CACNA2D1: variants seen among roughly 807,000 people sequenced by gnomAD.
The protein encoded by CACNA2D1 is calcium voltage-gated channel auxiliary subunit alpha2delta 1.
In CACNA2D1, 53 loss-of-function variants were observed where a neutral mutation model predicts 171.5. The observed-to-expected ratio is 0.31, with a 90% confidence interval of 0.25 to 0.39. The LOEUF is 0.39. CACNA2D1 is among the 10% of genes least tolerant of loss of function. CACNA2D1 has a pLI of 1.00. For synonymous variants in CACNA2D1, 442 were observed against 443.1 expected (o/e 1.00, Z 0.03); for missense variants, 903 against 1,299.8 (o/e 0.69, Z 4.69).
At chr7:82,151,041 G>A (rs1031847949) in intron 4 of CACNA2D1, among the ~76,000 whole-genome samples, 3 of 152,038 alleles carry the variant, frequency 2.0e-5, no homozygotes, top group African/African-American at 7.2e-5. Context: ...CCTGTCTTTA[G>A]TTAAAACATG....
intron 5 of CACNA2D1, among the ~76,000 whole-genome samples, chr7:82,122,746 T>C (rs182283941): frequency 1.7e-3 from 258 of 152,322 alleles, no homozygotes; most frequent in African/African-American, 6.1e-3. Context: ...AAGTTCAACA[T>C]AGCACTCCCC....
chr7:82,053,147 G>T (rs1562928587), intron 10 of CACNA2D1, among the ~76,000 whole-genome samples: 1 of 151,768 alleles, frequency 6.6e-6, no homozygotes, highest in Non-Finnish European at 1.5e-5. Context: ...AGCTACTCAG[G>T]AGGCTGAGGC....
intron 1 of CACNA2D1, among the ~76,000 whole-genome samples, chr7:82,433,543 G>A (rs1270113334): frequency 6.6e-6 from 1 of 152,106 alleles, no homozygotes; most frequent in African/African-American, 2.4e-5. Context: ...TCTCAAGGCT[G>A]TTTCATATTT....
intron 5 of CACNA2D1, among the ~76,000 whole-genome samples, chr7:82,129,354 T>C (rs951960871): frequency 1.3e-5 from 2 of 152,196 alleles, no homozygotes; most frequent in Non-Finnish European, 2.9e-5. Flanking sequence ...TTATATCTGA[T>C]ACATGTGCTT....
intron 1 of CACNA2D1, among the ~76,000 whole-genome samples, chr7:82,384,065 A>G (rs1001998674): frequency 7.2e-5 from 11 of 152,190 alleles, no homozygotes; most frequent in Admixed American, 6.5e-4. Flanking sequence ...ATACAGAAAA[A>G]CTACCTCCTT....
chr7:82,262,330 C>CA (rs1391952553), intron 3 of CACNA2D1, among the ~76,000 whole-genome samples: 1 of 152,136 alleles, frequency 6.6e-6, no homozygotes, highest in Non-Finnish European at 1.5e-5. Context: ...GACTCTGTCT[C>CA]AAAAATCAAT....
chr7:82,239,065 G>A (rs139269349), intron 3 of CACNA2D1, among the ~76,000 whole-genome samples: 4 of 152,156 alleles, frequency 2.6e-5, no homozygotes, highest in Non-Finnish European at 5.9e-5. Context: ...GCAACCAATA[G>A]AAACTAGTAA....
At position 81,947,233 on chromosome 7, in the gene CACNA2D1, G is replaced by T. The variant is rs1320660910; in HGVS notation, c.*3159C>A. 2 of 151,688 alleles carry T rather than the reference G, an allele frequency of 1.3e-5. No homozygotes were observed. The highest frequency in any genetic ancestry group is 2.9e-5 in the Non-Finnish European group (2 of 67,820). 9.4% of individuals were successfully genotyped at this position (151,688 alleles called of 1,614,324 possible). A position where few individuals can be genotyped will look rare whatever the true frequency, so the allele number is the denominator to read the frequency against. On this transcript the variant is annotated 3_prime_UTR_variant, in exon 39 of 39. Coordinates refer to ENST00000356860, the MANE Select transcript of CACNA2D1 (RefSeq NM_000722.4). ...CTTGGGTTGCAAAGGTCACTTAAAA[G>T]GGATACTGCCTATTTGAACCCGATA...
intron 38 of CACNA2D1, among the ~76,000 whole-genome samples, chr7:81,953,625 G>T (rs1004974064): frequency 6.6e-6 from 1 of 151,766 alleles, no homozygotes; most frequent in African/African-American, 2.4e-5. Flanking sequence ...ACATAGCAAC[G>T]ATTTGATAAA....
At chr7:82,397,114 T>C (rs1203935519) in intron 1 of CACNA2D1, among the ~76,000 whole-genome samples, 1 of 152,068 alleles carries the variant, frequency 6.6e-6, no homozygotes, top group East Asian at 1.9e-4. Context: ...AATCATTTGG[T>C]CTTGGAACCA....
intron 3 of CACNA2D1, among the ~76,000 whole-genome samples, chr7:82,273,099 AG>A (rs1808853311): frequency 1.3e-5 from 2 of 152,222 alleles, no homozygotes. Flanking sequence ...ATAAAATAAA[AG>A]TGAGATGCCA....
chr7:81,981,051 T>C (rs1796392165), intron 24 of CACNA2D1, among the ~76,000 whole-genome samples: 1 of 152,140 alleles, frequency 6.6e-6, no homozygotes, highest in South Asian at 2.1e-4. Context: ...TTAAATAATA[T>C]AATGCAATAT....
At chr7:82,155,894 G>A (rs1584945117) in intron 4 of CACNA2D1, among the ~76,000 whole-genome samples, 1 of 152,138 alleles carries the variant, frequency 6.6e-6, no homozygotes, top group African/African-American at 2.4e-5. Flanking sequence ...CAAGTAGTCA[G>A]TAAAATAATA....
At chr7:82,111,839 C>T (rs1199137522) in intron 6 of CACNA2D1, among the ~76,000 whole-genome samples, 1 of 151,914 alleles carries the variant, frequency 6.6e-6, no homozygotes, top group Non-Finnish European at 1.5e-5. Flanking sequence ...AAATATAATC[C>T]ATATTATTTT....
intron 3 of CACNA2D1, among the ~76,000 whole-genome samples, chr7:82,233,613 C>A (rs1321620352): frequency 6.6e-6 from 1 of 152,058 alleles, no homozygotes. Context: ...ATAGTAATAT[C>A]AAATTGGCAC....
At chr7:82,291,400 A>C (rs1811552967) in intron 3 of CACNA2D1, among the ~76,000 whole-genome samples, 1 of 134,192 alleles carries the variant, frequency 7.5e-6, no homozygotes, top group African/African-American at 2.7e-5. Flanking sequence ...CTACATCTAC[A>C]CTAGATATAT....
intron 3 of CACNA2D1, among the ~76,000 whole-genome samples, chr7:82,196,816 AT>A (rs549687950): frequency 0.055 from 8,040 of 146,630 alleles, 219 homozygotes; most frequent in Admixed American, 0.073. Context: ...CATCTGGTAC[AT>A]TTTTTTTTTT....
At chr7:82,324,827 A>G (rs572964092) in intron 3 of CACNA2D1, among the ~76,000 whole-genome samples, 1 of 152,292 alleles carries the variant, frequency 6.6e-6, no homozygotes, top group African/African-American at 2.4e-5. Flanking sequence ...GCGTTTTTAT[A>G]TCAACCTAAA....
chr7:82,094,708 C>T (rs1383277586), intron 6 of CACNA2D1, among the ~76,000 whole-genome samples: 1 of 58,202 alleles, frequency 1.7e-5, no homozygotes, highest in African/African-American at 1.2e-4. Flanking sequence ...ATTTAAAAAG[C>T]TCAAATTATT....
Sources: gnomAD v4.1 joint callset for allele counts (sites outside exome capture counted in the v4.1 genomes callset) on GRCh38, gnomAD v4.1.1 for gene constraint, MANE v1.5 for transcripts, NCBI Gene and HGNC (gene_info 2026-07-23, HGNC 2026-07-21) for gene names.